The following MAPK8 variants were observed in gnomAD, a reference collection of about 807,000 sequenced individuals.
MAPK8 encodes the protein mitogen-activated protein kinase 8, also known as JUN N-terminal kinase.
In MAPK8, 13 loss-of-function variants were observed where a neutral mutation model predicts 52.9. That is an observed-to-expected ratio of 0.25 (90% CI 0.16 to 0.39). MAPK8 has a LOEUF of 0.39. MAPK8 is among the 10% of genes least tolerant of loss of function. MAPK8 has a pLI of 1.00. For missense variants in MAPK8, 300 were observed against 519.2 expected, an observed-to-expected ratio of 0.58 and a Z score of 4.10; for synonymous variants, 191 against 169.8, an observed-to-expected ratio of 1.12 and a Z score of -0.97.
chr10:48,428,863 C>T (rs947152459), intron 10 of MAPK8, among the ~76,000 whole-genome samples: 4 of 152,072 alleles, frequency 2.6e-5, no homozygotes, highest in African/African-American at 9.7e-5. Flanking sequence ...CTGTGTCCCC[C>T]AGGCTAGAGT....
intron 1 of MAPK8, among the ~76,000 whole-genome samples, chr10:48,371,755 C>T (rs1466132396): frequency 6.6e-6 from 1 of 152,084 alleles, no homozygotes; most frequent in Non-Finnish European, 1.5e-5. Flanking sequence ...ACTTCAGATG[C>T]CAGTCACAGG....
At position 48,426,717 on chromosome 10, in the gene MAPK8, A is replaced by T. The variant is rs1415543716; in HGVS notation, c.996+213A>T. Reference sequence around the variant, plus strand: ...AAAGTTACCTCCCACTGTTTTTTGCAATCTTGCCTGGATACCTAACCAGAG... The same window carrying T: ...AAAGTTACCTCCCACTGTTTTTTGCTATCTTGCCTGGATACCTAACCAGAG... On this transcript the variant is annotated intron_variant, in intron 9 of 11. Coordinates refer to ENST00000374189, the MANE Select transcript of MAPK8 (RefSeq NM_001323329.2). 3 of 532,372 alleles carry T rather than the reference A, an allele frequency of 5.6e-6. No homozygotes were observed. The Admixed American group carries it at 1.1e-4, about 20-fold the overall frequency. The allele number at this position is 532,372 out of a possible 1,614,324, so 33.0% of individuals were successfully genotyped here.
chr10:48,349,454 G>A (rs1846095260), intron 1 of MAPK8, among the ~76,000 whole-genome samples: 2 of 152,112 alleles, frequency 1.3e-5, no homozygotes, highest in African/African-American at 4.8e-5. Context: ...TTAGAACTCA[G>A]GATTAAGAAA....
intron 1 of MAPK8, chr10:48,307,143 G>C (rs939677020): frequency 9.8e-5 from 15 of 152,892 alleles, no homozygotes; most frequent in African/African-American, 2.6e-4. Flanking sequence ...AAATGGAGCG[G>C]GGGGGTGGGT....
intron 1 of MAPK8, among the ~76,000 whole-genome samples, chr10:48,346,551 G>A (rs79317446): frequency 2.6e-5 from 4 of 152,266 alleles, no homozygotes; most frequent in Admixed American, 1.3e-4. Context: ...TGGGAAGCAG[G>A]GGGGAGGGTC....
intron 1 of MAPK8, among the ~76,000 whole-genome samples, chr10:48,363,293 C>G (rs1198713746): frequency 2.0e-5 from 3 of 152,184 alleles, no homozygotes; most frequent in Non-Finnish European, 2.9e-5. Flanking sequence ...AGGTAACCTC[C>G]TTTTCTTTAT....
intron 1 of MAPK8, among the ~76,000 whole-genome samples, chr10:48,349,502 A>G (rs1327651825): frequency 1.3e-5 from 2 of 152,182 alleles, no homozygotes; most frequent in African/African-American, 4.8e-5. Context: ...AAACCGAACA[A>G]CTTGCTCCTG....
intron 1 of MAPK8, among the ~76,000 whole-genome samples, chr10:48,333,511 C>T (rs755864136): frequency 6.6e-6 from 1 of 152,236 alleles, no homozygotes; most frequent in Admixed American, 6.5e-5. Context: ...ATGCCCTAGT[C>T]TACTGTTAGA....
At chr10:48,403,321 G>A (rs1167346360) in intron 2 of MAPK8, among the ~76,000 whole-genome samples, 1 of 152,092 alleles carries the variant, frequency 6.6e-6, no homozygotes, top group African/African-American at 2.4e-5. Context: ...AGCTGGGCAT[G>A]GTGGCACATG....
chr10:48,341,926 G>T (rs374990093), intron 1 of MAPK8, among the ~76,000 whole-genome samples: 7 of 152,332 alleles, frequency 4.6e-5, no homozygotes, highest in African/African-American at 1.7e-4. Flanking sequence ...TCTAGGCTGA[G>T]GGAAAGCACA....
Position 48,423,896 on chromosome 10 carries a change from T to C in MAPK8, c.617-192T>C, listed in dbSNP as rs188426069. On this transcript the variant is annotated intron_variant, in intron 6 of 11. Coordinates refer to ENST00000374189, the MANE Select transcript of MAPK8 (RefSeq NM_001323329.2). ...GATATGTAGTTAAAATGCCACACTT[T>C]ACATTTTCTTTTGTGAACCAGACTT... Among the ~76,000 whole-genome samples, 7 of 152,314 alleles carry C rather than the reference T, an allele frequency of 4.6e-5. No homozygotes were observed. The East Asian group carries it at 1.3e-3, about 29-fold the overall frequency.
At chr10:48,416,761 C>T (rs976260685) in intron 5 of MAPK8, among the ~76,000 whole-genome samples, 7 of 151,920 alleles carry the variant, frequency 4.6e-5, no homozygotes, top group Non-Finnish European at 8.8e-5. Flanking sequence ...TGTCCCTTGC[C>T]GTGGGTGGGG....
rs1351895032 is a variant in MAPK8 at position 48,435,905 on chromosome 10, ACT to A, written c.*877_*878del. On this transcript the variant is annotated 3_prime_UTR_variant, in exon 12 of 12. Transcript: ENST00000374189. The stretch of plus-strand genomic sequence containing the variant: ...TAGCTATGAGCCTGTTTTTGTATAC[ACT>A]GAGTTAATCTACTCAGGCTGTAGGT... 2 of 152,238 alleles carry A rather than the reference ACT, an allele frequency of 1.3e-5. No homozygotes were observed. Among genetic ancestry groups the A allele is most frequent in the Non-Finnish European group, 1.5e-5 (1 of 68,044 alleles). 9.4% of individuals were successfully genotyped at this position (152,238 alleles called of 1,614,324 possible).
intron 1 of MAPK8, among the ~76,000 whole-genome samples, chr10:48,353,962 G>A (rs1311674516): frequency 1.3e-5 from 2 of 152,126 alleles, no homozygotes; most frequent in African/African-American, 4.8e-5. Context: ...ATTGTGATTG[G>A]TGGTAGTGAC....
At chr10:48,312,433 C>A (rs367657564) in intron 1 of MAPK8, among the ~76,000 whole-genome samples, 1 of 152,172 alleles carries the variant, frequency 6.6e-6, no homozygotes, top group African/African-American at 2.4e-5. Context: ...GAAGTATAGT[C>A]CTCCAGTACT....
At chr10:48,391,340 T>C (rs1370649072) in intron 1 of MAPK8, among the ~76,000 whole-genome samples, 1 of 152,216 alleles carries the variant, frequency 6.6e-6, no homozygotes, top group Non-Finnish European at 1.5e-5. Context: ...CTAAATTCTA[T>C]AACAAGAGTT....
chr10:48,318,729 A>G (rs1842725889), intron 1 of MAPK8, among the ~76,000 whole-genome samples: 1 of 152,216 alleles, frequency 6.6e-6, no homozygotes, highest in African/African-American at 2.4e-5. Flanking sequence ...GCATGGTGAA[A>G]TCAGCAACTA....
chr10:48,405,779 A>C (rs980691738), intron 3 of MAPK8, among the ~76,000 whole-genome samples: 1 of 152,238 alleles, frequency 6.6e-6, no homozygotes, highest in South Asian at 2.1e-4. Flanking sequence ...AAGAGTTTAT[A>C]TAATATAATG....
Position 48,424,292 on chromosome 10 carries a change from A to G in MAPK8, c.688+133A>G, listed in dbSNP as rs181085259. 7 of 860,392 alleles carry G rather than the reference A, an allele frequency of 8.1e-6. No homozygotes were observed. In the Admixed American group the frequency reaches 2.0e-4, roughly 24 times the overall value. The allele number at this position is 860,392 out of a possible 1,614,324, so 53.3% of individuals were successfully genotyped here. ...ATAAAGTTTGTGGCTATTATAGTTC[A>G]AAAATTGTTGAGATAAGAAGCTGAA... is the stretch of plus-strand genomic sequence containing the variant. On this transcript the variant is annotated intron_variant, in intron 7 of 11. Transcript: ENST00000374189.
Sources: gnomAD v4.1 joint callset for allele counts (sites outside exome capture counted in the v4.1 genomes callset) on GRCh38, gnomAD v4.1.1 for gene constraint, MANE v1.5 for transcripts, NCBI Gene and HGNC (gene_info 2026-07-23, HGNC 2026-07-21) for gene names.